NPAS3: variants seen among roughly 807,000 people sequenced by gnomAD.
The protein encoded by NPAS3 is neuronal PAS domain-containing protein 3.
NPAS3 carries 14 observed loss-of-function variants against 73.1 expected under a neutral mutation model. That is an observed-to-expected ratio of 0.19 (90% confidence interval 0.13 to 0.30). NPAS3 has a LOEUF of 0.30. Among genes scored for constraint, NPAS3 ranks in the 10% least tolerant of loss-of-function variants. NPAS3 has a pLI of 1.00. For missense variants in NPAS3, 1,096 were observed against 1,250.0 expected, an observed-to-expected ratio of 0.88 and a Z score of 1.86; for synonymous variants, 620 against 541.5, an observed-to-expected ratio of 1.14 and a Z score of -2.01.
chr14:33,780,928 CCTA>C, intron 9 of NPAS3: 1 of 231,848 alleles, frequency 4.3e-6, no homozygotes, highest in Non-Finnish European at 8.6e-6. Flanking sequence ...TATGATTCAG[CCTA>C]CTAACAATGA....
chr14:33,628,158 A>T (rs1218979636), intron 5 of NPAS3, among the ~76,000 whole-genome samples: 2 of 152,214 alleles, frequency 1.3e-5, no homozygotes, highest in Non-Finnish European at 1.5e-5. Context: ...TCATCTTTAA[A>T]TTCTCAATAA....
At chr14:33,727,771 T>C (rs2061308547) in intron 6 of NPAS3, among the ~76,000 whole-genome samples, 1 of 152,106 alleles carries the variant, frequency 6.6e-6, no homozygotes, top group South Asian at 2.1e-4. Flanking sequence ...CCATATGCAA[T>C]ATTGGCAACG....
At chr14:33,220,982 T>A (rs2047402695) in intron 3 of NPAS3, among the ~76,000 whole-genome samples, 1 of 152,192 alleles carries the variant, frequency 6.6e-6, no homozygotes, top group African/African-American at 2.4e-5. Flanking sequence ...TCACAACATC[T>A]AAGTGGCACA....
chr14:33,334,663 A>G (rs1289786801), intron 3 of NPAS3, among the ~76,000 whole-genome samples: 1 of 152,120 alleles, frequency 6.6e-6, no homozygotes. Context: ...TCTGATGTTC[A>G]GGCAGTTTAT....
intron 1 of NPAS3, among the ~76,000 whole-genome samples, chr14:32,957,395 G>GGAGTCTC (rs2036716858): frequency 7.2e-6 from 1 of 139,844 alleles, no homozygotes; most frequent in Non-Finnish European, 1.5e-5. Flanking sequence ...TTTTGGAAAT[G>GGAGTCTC]GAGTCTCGCT....
chr14:33,178,358 C>A (rs1219674019), intron 2 of NPAS3, among the ~76,000 whole-genome samples: 1 of 152,086 alleles, frequency 6.6e-6, no homozygotes, highest in Non-Finnish European at 1.5e-5. Context: ...CAGGCATGAG[C>A]CACCGCACCC....
intron 4 of NPAS3, among the ~76,000 whole-genome samples, chr14:33,463,702 G>A (rs558654719): frequency 6.6e-6 from 1 of 152,308 alleles, no homozygotes; most frequent in Non-Finnish European, 1.5e-5. Flanking sequence ...TCAGGAATGT[G>A]TAGCAATAAA....
intron 4 of NPAS3, among the ~76,000 whole-genome samples, chr14:33,534,782 T>C (rs1005562782): frequency 2.0e-5 from 3 of 152,116 alleles, no homozygotes; most frequent in Admixed American, 1.3e-4. Flanking sequence ...TGATGAGACT[T>C]TGGAATTTCC....
At position 33,499,953 on chromosome 14, in the gene NPAS3, T is replaced by C. The variant is rs10134416; in HGVS notation, c.469-60168T>C. Among the ~76,000 whole-genome samples, 1,412 of 152,108 alleles carry C rather than the reference T, an allele frequency of 9.3e-3. 22 individuals are homozygous for C. Among genetic ancestry groups the C allele is most frequent in the African/African-American group, 0.031 (1,282 of 41,542 alleles). The stretch of plus-strand genomic sequence containing the variant: ...TCCAGTCTTTGTTTTGTTTCTGTCT[T>C]GTGGAGTCTGAACGGAAGAAAATAA... On this transcript the variant is annotated intron_variant, in intron 4 of 11. Coordinates refer to ENST00000356141, the Ensembl canonical transcript of NPAS3.
chr14:33,163,620 G>GTTTTT (rs1555347674), intron 2 of NPAS3, among the ~76,000 whole-genome samples: 5 of 96,080 alleles, frequency 5.2e-5, no homozygotes, highest in Admixed American at 1.0e-4. Context: ...GAAGTGTTTT[G>GTTTTT]TTGTTTTTTT....
chr14:33,078,823 G>A (rs968252671), intron 2 of NPAS3, among the ~76,000 whole-genome samples: 1 of 152,164 alleles, frequency 6.6e-6, no homozygotes, highest in African/African-American at 2.4e-5. Context: ...TGACACAGGT[G>A]TGCAGTTTCA....
chr14:33,648,164 A>G, intron 5 of NPAS3, among the ~76,000 whole-genome samples: 1 of 152,148 alleles, frequency 6.6e-6, no homozygotes, highest in East Asian at 1.9e-4. Flanking sequence ...TGCTGAACCC[A>G]CCAGGAAGCA....
At chr14:33,647,617 A>C (rs1039168480) in intron 5 of NPAS3, among the ~76,000 whole-genome samples, 15 of 152,002 alleles carry the variant, frequency 9.9e-5, no homozygotes, top group African/African-American at 3.6e-4. Flanking sequence ...TTTACACTGA[A>C]ATTTTTACCC....
chr14:33,630,590 C>A (rs552431929), intron 5 of NPAS3, among the ~76,000 whole-genome samples: 1 of 152,316 alleles, frequency 6.6e-6, no homozygotes, highest in South Asian at 2.1e-4. Context: ...GAGGAAAAAA[C>A]AGGTGTTGTT....
chr14:33,474,487 T>G (rs544460496), intron 4 of NPAS3, among the ~76,000 whole-genome samples: 1 of 152,160 alleles, frequency 6.6e-6, no homozygotes, highest in Non-Finnish European at 1.5e-5. Flanking sequence ...CAAAAGTCTT[T>G]TGTGGACGGA....
At chr14:33,621,585 G>T (rs2058076458) in intron 5 of NPAS3, among the ~76,000 whole-genome samples, 2 of 152,090 alleles carry the variant, frequency 1.3e-5, no homozygotes, top group South Asian at 4.1e-4. Flanking sequence ...TAGCTAGTAA[G>T]TTCCAAAATT....
intron 1 of NPAS3, among the ~76,000 whole-genome samples, chr14:32,980,897 G>C (rs1450728756): frequency 6.6e-6 from 1 of 152,088 alleles, no homozygotes; most frequent in East Asian, 1.9e-4. Context: ...ATTTAGAAAA[G>C]AGTATTTCAG....
chr14:33,512,785 T>C (rs148356232), intron 4 of NPAS3, among the ~76,000 whole-genome samples: 127 of 152,196 alleles, frequency 8.3e-4, no homozygotes, highest in African/African-American at 2.7e-3. Context: ...TCTATGTAGA[T>C]ATAAAGATGG....
At chr14:33,669,906 G>GT (rs917606442) in intron 5 of NPAS3, among the ~76,000 whole-genome samples, 1 of 151,816 alleles carries the variant, frequency 6.6e-6, no homozygotes. Context: ...TTTTTTGGGG[G>GT]TTTTTTGTTT....
Sources: allele counts gnomAD v4.1 joint callset (sites outside exome capture counted in the v4.1 genomes callset), GRCh38; gene constraint gnomAD v4.1.1; transcripts MANE v1.5; gene names NCBI Gene and HGNC (gene_info 2026-07-23, HGNC 2026-07-21).